Variants in RUBCNL observed in about 807,000 individuals in gnomAD.
RUBCNL encodes the protein rubicon like autophagy enhancer.
A neutral mutation model predicts 69.5 loss-of-function variants in RUBCNL; 62 were observed. That is an observed-to-expected ratio of 0.89 (90% CI 0.73 to 1.10). The LOEUF (loss-of-function observed/expected upper bound fraction) is 1.10. Among genes scored for constraint, RUBCNL ranks in the 50% least tolerant of loss-of-function variants. The pLI is 0.00. For synonymous variants in RUBCNL, 291 were observed against 303.6 expected (o/e 0.96, Z 0.43); for missense variants, 768 against 798.1 (o/e 0.96, Z 0.45).
intron 12 of RUBCNL, among the ~76,000 whole-genome samples, 169 bp from the exon 13 acceptor site, chr13:46,345,769 A>C (rs2048234241): frequency 6.6e-6 from 1 of 152,192 alleles, no homozygotes; most frequent in African/African-American, 2.4e-5. Context: ...ACCATTCTAC[A>C]TGTTGCAAGT....
At chr13:46,360,809 G>C (rs1387587598) in intron 8 of RUBCNL, among the ~76,000 whole-genome samples, 1 of 152,216 alleles carries the variant, frequency 6.6e-6, no homozygotes, top group South Asian at 2.1e-4. Flanking sequence ...ACTTTCCAAT[G>C]AGGCAGCCTG....
chr13:46,377,916 A>G lies in RUBCNL; in HGVS notation c.-149T>C, dbSNP rs377439605. The G allele has an allele frequency of 1.9e-6, 3 of 1,609,516 alleles. No individual in the cohort carries two copies. In the African/African-American group the frequency reaches 4.0e-5, roughly 21 times the overall value. On this transcript the variant is annotated 5_prime_UTR_variant, in exon 2 of 15. Transcript: ENST00000429979. The stretch of plus-strand genomic sequence containing the variant: ...AGGAGTATGAATTTCTCGAAGAGGC[A>G]GATTGACACAGAGGAGAAAGTAATG...
At chr13:46,387,402 G>C (rs2049276585), upstream of RUBCNL, 6 of 985,424 alleles carry the variant, frequency 6.1e-6, no homozygotes, top group Non-Finnish European at 7.2e-6. Flanking sequence ...CGCCCAGATG[G>C]AAGAAACTCT....
At chr13:46,348,792 C>T (rs2048306186) in intron 12 of RUBCNL, among the ~76,000 whole-genome samples, 1 of 152,018 alleles carries the variant, frequency 6.6e-6, no homozygotes, top group Non-Finnish European at 1.5e-5. Flanking sequence ...TTAGTAGAGA[C>T]AGAGTTTCAC....
At chr13:46,388,336 CAAGGAAGG>C (rs201163231), upstream of RUBCNL, among the ~76,000 whole-genome samples, 50 of 135,686 alleles carry the variant, frequency 3.7e-4, no homozygotes, top group Non-Finnish European at 4.8e-4. Flanking sequence ...GAACCTAAGC[CAAGGAAGG>C]AAGGAAGGAA....
chr13:46,387,929 C>T (rs913634968), upstream of RUBCNL: 68 of 883,438 alleles, frequency 7.7e-5, no homozygotes, highest in Non-Finnish European at 9.0e-5. Flanking sequence ...AAGCTCTGGC[C>T]GGGTGCGGTG....
Position 46,368,234 on chromosome 13 carries a change from A to G in RUBCNL, c.634T>C (p.Tyr212His), listed in dbSNP as rs1331011515. ...VDVEKENAHF[Y>H]VADMIISAME... ...GCTGATATAATCATATCTGCAACAT[A>G]AAAGTGGGCATTTTCCTGCAGAAAA... Residue 212 changes from tyrosine to histidine, a missense_variant, in exon 5 of 15, where the codon TAT becomes CAT. Physicochemically the swap from Tyr to His is moderately conservative, Grantham distance 83. Transcript: ENST00000429979. 1 of 1,613,042 alleles carries G rather than the reference A, an allele frequency of 6.2e-7. No individual in the cohort carries two copies. Among genetic ancestry groups the G allele is most frequent in the African/African-American group, 1.3e-5 (1 of 74,920 alleles).
At chr13:46,355,436 A>G (rs1450490844) in intron 10 of RUBCNL, among the ~76,000 whole-genome samples, 1 of 151,920 alleles carries the variant, frequency 6.6e-6, no homozygotes, top group Non-Finnish European at 1.5e-5. Context: ...CTGGGATTAC[A>G]GGAGCCTGCC....
intron 10 of RUBCNL, among the ~76,000 whole-genome samples, chr13:46,353,265 G>A (rs186074335): frequency 2.0e-5 from 3 of 152,250 alleles, no homozygotes; most frequent in Non-Finnish European, 2.9e-5. Context: ...CTCTAGAGTC[G>A]CCATGAACAC....
rs546885566 is a variant in RUBCNL at position 46,347,543 on chromosome 13, A to G, written c.1631+1743T>C. On this transcript the variant is annotated intron_variant, in intron 12 of 14. Coordinates refer to ENST00000429979, the MANE Select transcript of RUBCNL (RefSeq NM_025113.5). The stretch of plus-strand genomic sequence containing the variant: ...CACTTGGTTAGACATGCCTCCCTAT[A>G]AGGGGTTTTAAAAGGCCCCTGGTAT... 1.8e-3 allele frequency among the ~76,000 whole-genome samples: 273 copies of G among 152,300 alleles called. 2 individuals carry two copies. The highest frequency in any genetic ancestry group is 6.3e-3 in the African/African-American group (261 of 41,554).
intron 2 of RUBCNL, among the ~76,000 whole-genome samples, chr13:46,376,702 T>C (rs117972969): frequency 4.7e-4 from 72 of 152,380 alleles, no homozygotes; most frequent in Non-Finnish European, 9.0e-4. Context: ...AATCCTACTT[T>C]ATTCTCAGAA....
chr13:46,385,585 C>T (rs1200207332), intron 1 of RUBCNL, among the ~76,000 whole-genome samples: 1 of 151,702 alleles, frequency 6.6e-6, no homozygotes, highest in Non-Finnish European at 1.5e-5. Flanking sequence ...TATTTGTGTG[C>T]CTTCAGATGG....
chr13:46,387,539 T>G, upstream of RUBCNL: 1 of 985,640 alleles, frequency 1.0e-6, no homozygotes, highest in Non-Finnish European at 1.2e-6. Context: ...AACGACGCTT[T>G]CAGGGGTCAA....
intron 1 of RUBCNL, among the ~76,000 whole-genome samples, chr13:46,379,671 T>G (rs899865252): frequency 6.6e-5 from 10 of 151,872 alleles, no homozygotes; most frequent in Admixed American, 2.0e-4. Context: ...TAAATAAGAG[T>G]CTAGAGTGAA....
chr13:46,372,240 T>C lies in RUBCNL; in HGVS notation c.236A>G (p.His79Arg), dbSNP rs2048893804. ...GGGAGAGGCAGCATCTGTCACAAAATGGGTCCCACTGTTCCCTGCTGCTGG... is the reference window on the plus strand; with the variant it reads ...GGGAGAGGCAGCATCTGTCACAAAACGGGTCCCACTGTTCCCTGCTGCTGG... ...QVPAAGNSGT[H>R]FVTDAASPSG... The change falls in exon 3 of 15, where the codon CAT becomes CGT. Residue 79 changes from histidine to arginine, a missense_variant. Physicochemically the swap from His to Arg is conservative, Grantham distance 29. Transcript: ENST00000429979. The C allele has an allele frequency of 6.2e-7, 1 of 1,614,012 alleles. No homozygotes were observed. The highest frequency in any genetic ancestry group is 8.5e-7 in the Non-Finnish European group (1 of 1,179,900).
intron 10 of RUBCNL, among the ~76,000 whole-genome samples, chr13:46,354,316 C>T (rs2048435459): frequency 6.6e-6 from 1 of 152,132 alleles, no homozygotes; most frequent in Admixed American, 6.5e-5. Flanking sequence ...ATGCTAATTT[C>T]TCAGGTTGAA....
At chr13:46,353,401 A>G (rs899289334) in intron 10 of RUBCNL, among the ~76,000 whole-genome samples, 1 of 152,174 alleles carries the variant, frequency 6.6e-6, no homozygotes, top group Admixed American at 6.5e-5. Flanking sequence ...TCATTCATCA[A>G]ACTTCATTGA....
chr13:46,379,639 A>G (rs1276211477), intron 1 of RUBCNL, among the ~76,000 whole-genome samples: 1 of 152,242 alleles, frequency 6.6e-6, no homozygotes, highest in Non-Finnish European at 1.5e-5. Context: ...AATAAAGGAT[A>G]CTAGAGAATA....
chr13:46,387,254 G>C, upstream of RUBCNL: 1 of 985,412 alleles, frequency 1.0e-6, no homozygotes, highest in South Asian at 4.7e-5. Context: ...AGAAAGGGGA[G>C]GGAGGAGAGC....
Sources: gnomAD v4.1 joint callset for allele counts (sites outside exome capture counted in the v4.1 genomes callset) on GRCh38, gnomAD v4.1.1 for gene constraint, MANE v1.5 for transcripts, NCBI Gene and HGNC (gene_info 2026-07-23, HGNC 2026-07-21) for gene names.